Variants in EPHB1 observed in about 807,000 individuals in gnomAD.
EPHB1 encodes ephrin type-B receptor 1.
A neutral mutation model predicts 94.4 loss-of-function variants in EPHB1; 30 were observed. That is an observed-to-expected ratio of 0.32 (90% CI 0.24 to 0.43). EPHB1 has a LOEUF of 0.43. Among genes scored for constraint, EPHB1 ranks in the 20% least tolerant of loss-of-function variants. The pLI, the probability that EPHB1 is intolerant of heterozygous loss-of-function variation, is 1.00. For missense variants in EPHB1, 1,055 were observed against 1,308.3 expected (o/e 0.81, Z 2.99); for synonymous variants, 522 against 489.1 (o/e 1.07, Z -0.89).
intron 3 of EPHB1, among the ~76,000 whole-genome samples, chr3:135,038,485 G>C (rs554862840): frequency 6.6e-6 from 1 of 152,194 alleles, no homozygotes; most frequent in Non-Finnish European, 1.5e-5. Flanking sequence ...CAGTCTGGCA[G>C]CTGACCCTGT....
rs542219672 is a variant in EPHB1 at position 134,844,945 on chromosome 3, C to T, written c.58+49256C>T. 4.6e-5 allele frequency among the ~76,000 whole-genome samples: 7 copies of T among 152,298 alleles called. No individual in the cohort carries two copies. The East Asian group carries it at 1.2e-3, about 25-fold the overall frequency. On this transcript the variant is annotated intron_variant, in intron 1 of 15. Coordinates refer to ENST00000398015, the MANE Select transcript of EPHB1 (RefSeq NM_004441.5). ...TCCCTGGAGAGCCTGAGTTTCCTCC[C>T]CTACTTACCAAAGAGTTCCACCTGA...
At chr3:135,069,516 A>G (rs1213907654) in intron 3 of EPHB1, among the ~76,000 whole-genome samples, 1 of 152,174 alleles carries the variant, frequency 6.6e-6, no homozygotes, top group Non-Finnish European at 1.5e-5. Flanking sequence ...GAGAAAGGCC[A>G]TATGAAGATG....
At chr3:134,973,899 A>G (rs1188356773) in intron 3 of EPHB1, among the ~76,000 whole-genome samples, 1 of 152,154 alleles carries the variant, frequency 6.6e-6, no homozygotes. Context: ...CTTGGCCTGG[A>G]GAGTATACCT....
intron 1 of EPHB1, among the ~76,000 whole-genome samples, chr3:134,826,029 C>T (rs1198553372): frequency 2.0e-5 from 3 of 147,060 alleles, no homozygotes; most frequent in Non-Finnish European, 4.4e-5. Flanking sequence ...ATCACGAGGT[C>T]AGGAGTTTGA....
chr3:135,115,891 G>C (rs1019397568), intron 4 of EPHB1, among the ~76,000 whole-genome samples: 2 of 152,098 alleles, frequency 1.3e-5, no homozygotes, highest in Non-Finnish European at 2.9e-5. Context: ...TTAAGAAGTG[G>C]GTTTTGAGTC....
chr3:134,803,820 A>G (rs1465233680), intron 1 of EPHB1, among the ~76,000 whole-genome samples: 5 of 152,174 alleles, frequency 3.3e-5, no homozygotes, highest in Admixed American at 6.5e-5. Context: ...TGTGAATTAA[A>G]TCAGTGAGCA....
intron 1 of EPHB1, among the ~76,000 whole-genome samples, chr3:134,847,186 C>A (rs60981974): frequency 0.15 from 22,922 of 150,626 alleles, 2,207 homozygotes; most frequent in African/African-American, 0.29. Context: ...AAAAAAAAAA[C>A]CACAAAGAGA....
chr3:135,159,392 A>G (rs1428459182), intron 6 of EPHB1, among the ~76,000 whole-genome samples: 1 of 152,262 alleles, frequency 6.6e-6, no homozygotes, highest in Non-Finnish European at 1.5e-5. Flanking sequence ...TTTCAATAAC[A>G]GCTATCCAGT....
intron 7 of EPHB1, among the ~76,000 whole-genome samples, chr3:135,162,507 C>G (rs1278831379): frequency 6.6e-6 from 1 of 152,172 alleles, no homozygotes; most frequent in Non-Finnish European, 1.5e-5. Context: ...GTTTCACCCT[C>G]ACGCCCACTT....
chr3:135,146,015 C>T (rs1940997098), intron 5 of EPHB1, among the ~76,000 whole-genome samples: 1 of 152,174 alleles, frequency 6.6e-6, no homozygotes, highest in Non-Finnish European at 1.5e-5. Flanking sequence ...AAACATGGTC[C>T]TTGCCTAAAG....
At chr3:134,938,117 C>G (rs2039044598) in intron 2 of EPHB1, among the ~76,000 whole-genome samples, 1 of 152,130 alleles carries the variant, frequency 6.6e-6, no homozygotes, top group East Asian at 1.9e-4. Flanking sequence ...GAAACAGTGT[C>G]TTAATCCCTA....
chr3:134,922,994 C>A (rs2038718647), intron 1 of EPHB1, among the ~76,000 whole-genome samples: 1 of 152,118 alleles, frequency 6.6e-6, no homozygotes, highest in South Asian at 2.1e-4. Context: ...CATGGAGTGT[C>A]TTCTGAGAAG....
intron 1 of EPHB1, among the ~76,000 whole-genome samples, chr3:134,847,694 A>G (rs1264043086): frequency 4.6e-5 from 7 of 152,228 alleles, no homozygotes; most frequent in Non-Finnish European, 8.8e-5. Flanking sequence ...CGAGTATCAC[A>G]GAGTCACCCG....
At chr3:134,912,905 A>G (rs1052998015) in intron 1 of EPHB1, among the ~76,000 whole-genome samples, 1 of 152,238 alleles carries the variant, frequency 6.6e-6, no homozygotes, top group East Asian at 1.9e-4. Context: ...ATGAAAGGGT[A>G]TCTGGCCATC....
chr3:135,153,394 T>A (rs2107694790), intron 5 of EPHB1, among the ~76,000 whole-genome samples: 1 of 152,322 alleles, frequency 6.6e-6, no homozygotes, highest in Non-Finnish European at 1.5e-5. Context: ...ATGTGAAAAA[T>A]GTTGAATTGG....
intron 1 of EPHB1, among the ~76,000 whole-genome samples, chr3:134,907,244 A>G (rs2038352276): frequency 6.6e-6 from 1 of 152,224 alleles, no homozygotes; most frequent in Non-Finnish European, 1.5e-5. Flanking sequence ...AACACAGCTT[A>G]GATTGGAACC....
At chr3:134,982,594 C>G (rs976566130) in intron 3 of EPHB1, among the ~76,000 whole-genome samples, 1 of 152,182 alleles carries the variant, frequency 6.6e-6, no homozygotes, top group East Asian at 1.9e-4. Flanking sequence ...TGAAGAGGTT[C>G]TTCAGTCTAC....
chr3:134,989,133 T>G (rs1934702921), intron 3 of EPHB1, among the ~76,000 whole-genome samples: 1 of 152,156 alleles, frequency 6.6e-6, no homozygotes, highest in Non-Finnish European at 1.5e-5. Flanking sequence ...CCGCTTACTG[T>G]GTCTCTGGCA....
chr3:135,053,280 C>CT (rs1203277744), intron 3 of EPHB1, among the ~76,000 whole-genome samples: 1 of 151,576 alleles, frequency 6.6e-6, no homozygotes, highest in African/African-American at 2.4e-5. Flanking sequence ...CTCTATGCAT[C>CT]TAACAAAATA....
Sources: allele counts gnomAD v4.1 joint callset (sites outside exome capture counted in the v4.1 genomes callset), GRCh38; gene constraint gnomAD v4.1.1; transcripts MANE v1.5; gene names NCBI Gene and HGNC (gene_info 2026-07-23, HGNC 2026-07-21).